AUTS2: variants seen among roughly 807,000 people sequenced by gnomAD.
AUTS2 encodes the protein activator of transcription and developmental regulator AUTS2.
AUTS2 carries 17 observed loss-of-function variants against 112.4 expected under a neutral mutation model. That is an observed-to-expected ratio of 0.15 (90% CI 0.10 to 0.23). The LOEUF (loss-of-function observed/expected upper bound fraction) is 0.23. Among genes scored for constraint, AUTS2 ranks in the 10% least tolerant of loss-of-function variants. AUTS2 has a pLI of 1.00. For missense variants in AUTS2, 1,510 were observed against 1,701.6 expected, an observed-to-expected ratio of 0.89 and a Z score of 1.98; for synonymous variants, 751 against 702.7, an observed-to-expected ratio of 1.07 and a Z score of -1.09.
chr7:69,636,273 C>T (rs1162898606), intron 1 of AUTS2, among the ~76,000 whole-genome samples: 2 of 152,238 alleles, frequency 1.3e-5, no homozygotes, highest in Non-Finnish European at 2.9e-5. Flanking sequence ...ATCTGTCGCC[C>T]AGGCTGGAGT....
chr7:70,095,300 G>A (rs1009250759), intron 2 of AUTS2, among the ~76,000 whole-genome samples: 5 of 152,170 alleles, frequency 3.3e-5, no homozygotes, highest in African/African-American at 1.2e-4. Flanking sequence ...GTGTGCGTGT[G>A]CAGTATTTGC....
chr7:70,442,881 A>G (rs1327915536), intron 5 of AUTS2, among the ~76,000 whole-genome samples: 1 of 152,168 alleles, frequency 6.6e-6, no homozygotes, highest in Non-Finnish European at 1.5e-5. Flanking sequence ...TTAAAATGAC[A>G]TTTTATTGTT....
intron 2 of AUTS2, among the ~76,000 whole-genome samples, chr7:69,917,752 CAT>C (rs1308881932): frequency 6.6e-6 from 1 of 152,182 alleles, no homozygotes; most frequent in Non-Finnish European, 1.5e-5. Flanking sequence ...TAAGTGAGAA[CAT>C]AGGGTATTTG....
At chr7:69,933,102 G>T (rs1562977437) in intron 2 of AUTS2, among the ~76,000 whole-genome samples, 1 of 152,076 alleles carries the variant, frequency 6.6e-6, no homozygotes, top group Admixed American at 6.6e-5. Flanking sequence ...AGTTATTTTT[G>T]TTTTTGTGTT....
chr7:70,716,846 G>A (rs1311874227), intron 6 of AUTS2, among the ~76,000 whole-genome samples: 1 of 151,884 alleles, frequency 6.6e-6, no homozygotes, highest in African/African-American at 2.4e-5. Context: ...TTCGTTTTAT[G>A]GGAGATTTCA....
intron 4 of AUTS2, among the ~76,000 whole-genome samples, chr7:70,377,374 A>G (rs1331256973): frequency 1.9e-4 from 19 of 102,274 alleles, no homozygotes; most frequent in African/African-American, 4.0e-4. Flanking sequence ...ATATATATAT[A>G]GTGATATATA....
intron 1 of AUTS2, among the ~76,000 whole-genome samples, chr7:69,694,370 A>G (rs752996915): frequency 1.3e-5 from 2 of 152,158 alleles, no homozygotes; most frequent in Non-Finnish European, 2.9e-5. Context: ...CTTTTAAGAC[A>G]TCCTGTTATA....
chr7:69,787,347 C>G (rs2129321136), intron 1 of AUTS2, among the ~76,000 whole-genome samples: 1 of 152,278 alleles, frequency 6.6e-6, no homozygotes, highest in East Asian at 1.9e-4. Flanking sequence ...CACTCTTTTT[C>G]TGTCATAGAA....
intron 2 of AUTS2, among the ~76,000 whole-genome samples, chr7:69,904,307 T>C (rs1795074954): frequency 6.6e-6 from 1 of 152,220 alleles, no homozygotes; most frequent in Non-Finnish European, 1.5e-5. Context: ...TTCTCTAAAT[T>C]TGTTACTAGT....
chr7:69,884,257 G>C (rs1262862490), intron 1 of AUTS2, among the ~76,000 whole-genome samples: 1 of 152,170 alleles, frequency 6.6e-6, no homozygotes, highest in Non-Finnish European at 1.5e-5. Context: ...CTAAAATGCA[G>C]CTTCTTAAAA....
intron 1 of AUTS2, among the ~76,000 whole-genome samples, chr7:69,865,262 C>T (rs1793170698): frequency 1.3e-5 from 2 of 152,090 alleles, no homozygotes; most frequent in South Asian, 2.1e-4. Context: ...ATTGGTTTGT[C>T]TGGTCTTTGG....
At chr7:70,314,061 C>CGTTCTT (rs1789883299) in intron 4 of AUTS2, among the ~76,000 whole-genome samples, 1 of 152,204 alleles carries the variant, frequency 6.6e-6, no homozygotes, top group Admixed American at 6.5e-5. Context: ...GACATTTCCT[C>CGTTCTT]GTTCTTTCTC....
At chr7:69,725,318 A>C (rs758127458) in intron 1 of AUTS2, among the ~76,000 whole-genome samples, 1 of 152,186 alleles carries the variant, frequency 6.6e-6, no homozygotes, top group Non-Finnish European at 1.5e-5. Context: ...ACATATGAGC[A>C]TGCAAATAGA....
At chr7:70,134,079 C>T (rs1806415117) in intron 3 of AUTS2, among the ~76,000 whole-genome samples, 1 of 152,110 alleles carries the variant, frequency 6.6e-6, no homozygotes. Context: ...AAAAGTCATC[C>T]AAACCCACTG....
chr7:69,756,300 G>A (rs1399807187), intron 1 of AUTS2, among the ~76,000 whole-genome samples: 2 of 152,220 alleles, frequency 1.3e-5, no homozygotes, highest in Non-Finnish European at 2.9e-5. Flanking sequence ...CAGACAGGCT[G>A]CTAAAGCCTA....
At chr7:70,025,966 A>C (rs1457549850) in intron 2 of AUTS2, among the ~76,000 whole-genome samples, 3 of 152,146 alleles carry the variant, frequency 2.0e-5, no homozygotes, top group African/African-American at 7.2e-5. Flanking sequence ...TTTCTGAACT[A>C]GGCACGAAAA....
chr7:70,065,415 CAG>C (rs1370367676), intron 2 of AUTS2, among the ~76,000 whole-genome samples: 1 of 152,088 alleles, frequency 6.6e-6, no homozygotes, highest in Admixed American at 6.6e-5. Context: ...TTATTATTGC[CAG>C]GCACGGTGGC....
At chr7:69,638,566 C>A (rs1228676553) in intron 1 of AUTS2, among the ~76,000 whole-genome samples, 3 of 152,080 alleles carry the variant, frequency 2.0e-5, no homozygotes, top group Admixed American at 6.6e-5. Context: ...TTTTTTTCCT[C>A]TGTTTGGAAA....
At chr7:69,891,756 C>G (rs1039757469) in intron 1 of AUTS2, among the ~76,000 whole-genome samples, 8 of 98,276 alleles carry the variant, frequency 8.1e-5, no homozygotes, top group African/African-American at 1.8e-4. Context: ...TGTATTCATT[C>G]ACTTTCCAGA....
Sources: gnomAD v4.1 joint callset for allele counts (sites outside exome capture counted in the v4.1 genomes callset) on GRCh38, gnomAD v4.1.1 for gene constraint, MANE v1.5 for transcripts, NCBI Gene and HGNC (gene_info 2026-07-23, HGNC 2026-07-21) for gene names.